Variants in ARMC9 observed in about 807,000 individuals in gnomAD.
ARMC9 encodes the protein lisH domain-containing protein ARMC9.
A neutral mutation model predicts 107.0 loss-of-function variants in ARMC9; 94 were observed. The observed-to-expected ratio is 0.88, with a 90% CI of 0.74 to 1.04. The LOEUF is 1.04. ARMC9 is among the 50% of genes least tolerant of loss of function. The pLI is 0.00. For synonymous variants in ARMC9, 380 were observed against 396.9 expected (o/e 0.96, Z 0.51); for missense variants, 942 against 1,030.1 (o/e 0.91, Z 1.17).
intron 19 of ARMC9, among the ~76,000 whole-genome samples, chr2:231,308,055 C>G (rs545256050): frequency 6.6e-6 from 1 of 152,154 alleles, no homozygotes; most frequent in South Asian, 2.1e-4. Flanking sequence ...GAATTGGAGC[C>G]AGACAGTAAA....
rs745696907 is a variant in ARMC9, at chr2:231,315,236, C to G, written c.1774-16557C>G. 9.8e-4 allele frequency among the ~76,000 whole-genome samples: 127 copies of G among 129,262 alleles called. 1 individual carries two copies. Among genetic ancestry groups the G allele is most frequent in the Non-Finnish European group, 1.8e-3 (115 of 64,394 alleles). The allele number at this position is 129,262 out of a possible 152,430, so 84.8% of individuals were successfully genotyped here. On this transcript the variant is annotated intron_variant, in intron 19 of 24. Coordinates refer to ENST00000611582, the MANE Select transcript of ARMC9 (RefSeq NM_001352754.2). ...CCTGGGTGACAGAGCAAGACTCTATCTCAAAAAAAAAAAAAAAAAATGCTG... is the reference window on the plus strand; with the variant it reads ...CCTGGGTGACAGAGCAAGACTCTATGTCAAAAAAAAAAAAAAAAAATGCTG...
At chr2:231,301,042 A>C (rs1264676484) in intron 19 of ARMC9, among the ~76,000 whole-genome samples, 1 of 152,196 alleles carries the variant, frequency 6.6e-6, no homozygotes, top group Non-Finnish European at 1.5e-5. Context: ...ATGCGCTTTC[A>C]TACTTAAAAG....
chr2:231,296,694 T>C (rs945527644), intron 19 of ARMC9, among the ~76,000 whole-genome samples: 6 of 152,210 alleles, frequency 3.9e-5, no homozygotes, highest in African/African-American at 1.4e-4. Context: ...CAGTTTTCTC[T>C]GTTATTTGCA....
At position 231,226,655 on chromosome 2, in the gene ARMC9, G is replaced by A. The variant is rs372210924; in HGVS notation, c.598-119G>A. The stretch of plus-strand genomic sequence containing the variant: ...AGCAACAGTTGGAGCTGGCCCTCCC[G>A]GCTCCGAGAATTCTGTTTCATCATG... On this transcript the variant is annotated intron_variant, in intron 6 of 24. Transcript: ENST00000611582. 30 of 1,230,310 alleles carry A rather than the reference G, an allele frequency of 2.4e-5. No individual in the cohort carries two copies. The African/African-American group carries it at 3.0e-4, about 12-fold the overall frequency. 76.2% of individuals were successfully genotyped at this position (1,230,310 alleles called of 1,614,324 possible).
intron 9 of ARMC9, among the ~76,000 whole-genome samples, chr2:231,251,668 C>T (rs2037311838): frequency 6.6e-6 from 1 of 152,214 alleles, no homozygotes; most frequent in Admixed American, 6.5e-5. Context: ...CTGATGGGGG[C>T]AGTCAGTAGG....
chr2:231,251,658 C>A (rs1396526906), intron 9 of ARMC9, among the ~76,000 whole-genome samples: 2 of 152,216 alleles, frequency 1.3e-5, no homozygotes, highest in Non-Finnish European at 2.9e-5. Flanking sequence ...AGAGACCTGG[C>A]TGATGGGGGC....
At chr2:231,302,184 T>G (rs2041774994) in intron 19 of ARMC9, among the ~76,000 whole-genome samples, 1 of 152,048 alleles carries the variant, frequency 6.6e-6, no homozygotes, top group African/African-American at 2.4e-5. Context: ...AAGTAACCAT[T>G]CTCCAATTTT....
rs867910759 is a variant in ARMC9 at position 231,256,470 on chromosome 2, A to C, written c.880-116A>C. On this transcript the variant is annotated intron_variant, in intron 9 of 24. Transcript: ENST00000611582. ...TTAAAAAAAAAAACCAAAAAAAAAA[A>C]CCCAAAAAACCTAACTTGCACATCT... The C allele has an allele frequency of 1.1e-4, 156 of 1,391,616 alleles. 1 individual carries two copies. The Middle Eastern group carries it at 3.6e-3, about 32-fold the overall frequency. The allele number at this position is 1,391,616 out of a possible 1,614,324, so 86.2% of individuals were successfully genotyped here.
At chr2:231,314,422 G>C (rs1394279295) in intron 19 of ARMC9, among the ~76,000 whole-genome samples, 1 of 152,148 alleles carries the variant, frequency 6.6e-6, no homozygotes, top group Non-Finnish European at 1.5e-5. Flanking sequence ...TTTTTATTTT[G>C]ATGAGGTCTA....
intron 20 of ARMC9, among the ~76,000 whole-genome samples, chr2:231,334,572 G>A (rs1221368848): frequency 6.6e-6 from 1 of 152,186 alleles, no homozygotes; most frequent in Non-Finnish European, 1.5e-5. Flanking sequence ...CAGGGGTCAG[G>A]ACATGGGCAT....
chr2:231,278,340 GGTTTAGACATGTCAT>G, intron 15 of ARMC9, 27 bp from the exon 16 acceptor site: 1 of 1,595,480 alleles, frequency 6.3e-7, no homozygotes, highest in African/African-American at 1.3e-5. Context: ...TGTGCTTCTG[GGTTTAGACATGTCAT>G]GTTTAGCTTT....
intron 17 of ARMC9, 40 bp downstream of exon 17, chr2:231,282,173 G>T (rs1279669202): frequency 1.9e-6 from 3 of 1,599,646 alleles, no homozygotes; most frequent in Non-Finnish European, 2.6e-6. Flanking sequence ...GCTTCCTTTA[G>T]TGCCACAGTT....
At chr2:231,274,451 A>G (rs1443111609) in intron 14 of ARMC9, among the ~76,000 whole-genome samples, 1 of 152,122 alleles carries the variant, frequency 6.6e-6, no homozygotes, top group Non-Finnish European at 1.5e-5. Flanking sequence ...GTTGATTGGC[A>G]TTTGAGTTGT....
At chr2:231,206,944 G>A (rs1368671696) in intron 2 of ARMC9, among the ~76,000 whole-genome samples, 1 of 152,236 alleles carries the variant, frequency 6.6e-6, no homozygotes, top group Non-Finnish European at 1.5e-5. Flanking sequence ...CACCCACCGT[G>A]CAACTGCAGA....
Position 231,201,695 on chromosome 2 carries a change from C to A in ARMC9, c.-42+2997C>A, listed in dbSNP as rs112344752. ...GTGTGTTCCCCTCCCCCATTCTTAACCTGATTAGTTCCAGTGTCCCATCGT... is the reference window on the plus strand; with the variant it reads ...GTGTGTTCCCCTCCCCCATTCTTAAACTGATTAGTTCCAGTGTCCCATCGT... On this transcript the variant is annotated intron_variant, in intron 1 of 24. Coordinates refer to ENST00000611582, the MANE Select transcript of ARMC9 (RefSeq NM_001352754.2). Among the ~76,000 whole-genome samples the A allele has an allele frequency of 6.0e-4, 91 of 152,356 alleles. 1 individual carries two copies. The highest frequency in any genetic ancestry group is 2.0e-3 in the African/African-American group (85 of 41,584).
At chr2:231,310,041 C>T (rs1000937436) in intron 19 of ARMC9, among the ~76,000 whole-genome samples, 3 of 152,190 alleles carry the variant, frequency 2.0e-5, no homozygotes, top group African/African-American at 7.2e-5. Flanking sequence ...ATGCACCATA[C>T]TCGGTTTAGT....
intron 6 of ARMC9, among the ~76,000 whole-genome samples, chr2:231,224,145 G>C (rs2034425117): frequency 6.6e-6 from 1 of 152,252 alleles, no homozygotes; most frequent in African/African-American, 2.4e-5. Context: ...AAATATATTA[G>C]TATACTCAAA....
chr2:231,199,918 G>A (rs988996638), intron 1 of ARMC9, among the ~76,000 whole-genome samples: 21 of 151,968 alleles, frequency 1.4e-4, no homozygotes, highest in Admixed American at 2.0e-4. Context: ...GGCTGGTCTC[G>A]AACTCCTGAC....
chr2:231,223,767 C>A (rs1040850361), intron 6 of ARMC9, among the ~76,000 whole-genome samples: 1 of 152,128 alleles, frequency 6.6e-6, no homozygotes, highest in East Asian at 1.9e-4. Context: ...CTTAGCCTGG[C>A]CTGAGCCGAA....
Sources: allele counts gnomAD v4.1 joint callset (sites outside exome capture counted in the v4.1 genomes callset), GRCh38; gene constraint gnomAD v4.1.1; transcripts MANE v1.5; gene names NCBI Gene and HGNC (gene_info 2026-07-23, HGNC 2026-07-21).